The following SMTNL1 variants were observed in gnomAD, a reference collection of about 807,000 sequenced individuals.
SMTNL1 encodes the protein smoothelin like 1.
SMTNL1 carries 41 observed loss-of-function variants against 46.6 expected under a neutral mutation model. That is an observed-to-expected ratio of 0.88 (90% CI 0.69 to 1.14). SMTNL1 has a LOEUF of 1.14. SMTNL1 is among the 50% of genes most tolerant of loss of function. The pLI is 0.00. For synonymous variants in SMTNL1, 234 were observed against 234.2 expected, an observed-to-expected ratio of 1.00 and a Z score of 0.01; for missense variants, 591 against 626.1, an observed-to-expected ratio of 0.94 and a Z score of 0.60.
rs1483809891 is a variant in SMTNL1, at chr11:57,543,705, C to A, written c.814C>A (p.Pro272Thr). ...AGGGGCAGGGGTGATTCCCAGCTCC[C>A]CAGAGGAGTGGCCTGAGAGCCCCAC... is the stretch of plus-strand genomic sequence containing the variant. ...EGGAGVIPSSPEEWPESPTGE... is the reference protein window; with the variant it reads ...EGGAGVIPSSTEEWPESPTGE... Residue 272 changes from proline to threonine, a missense_variant, in exon 3 of 8, where the codon CCA becomes ACA. Pro to Thr is a conservative substitution (Grantham distance 38). Transcript: ENST00000527972. 1 of 1,581,250 alleles carries A rather than the reference C, an allele frequency of 6.3e-7. No homozygotes were observed. The highest frequency in any genetic ancestry group is 1.8e-5 in the Admixed American group (1 of 54,280).
At chr11:57,544,272 C>A (rs764212760) in intron 4 of SMTNL1, among the ~76,000 whole-genome samples, 3 of 152,132 alleles carry the variant, frequency 2.0e-5, no homozygotes, top group African/African-American at 7.2e-5. Context: ...CCCATCTACT[C>A]GGGAGGCTGA....
At chr11:57,542,170 C>T (rs1033619945) in intron 1 of SMTNL1, among the ~76,000 whole-genome samples, 19 of 151,302 alleles carry the variant, frequency 1.3e-4, no homozygotes, top group Non-Finnish European at 2.1e-4. Context: ...TGGTGGTAAG[C>T]ACCTGTAGTC....
chr11:57,543,799 C>T (rs1300587239), intron 3 of SMTNL1, 43 bp downstream of exon 3: 1 of 1,556,244 alleles, frequency 6.4e-7, no homozygotes, highest in East Asian at 2.4e-5. Context: ...CAGAGGCCAC[C>T]TGGGGGAGGG....
intron 1 of SMTNL1, among the ~76,000 whole-genome samples, chr11:57,538,792 G>A (rs1341390961): frequency 6.6e-6 from 1 of 152,172 alleles, no homozygotes; most frequent in African/African-American, 2.4e-5. Context: ...CTGAAGGGTC[G>A]GAGCAAGAAA....
Position 57,550,051 on chromosome 11 carries a change from A to G in SMTNL1, c.1424A>G (p.Tyr475Cys), listed in dbSNP as rs772406492. Residue 475 changes from tyrosine to cysteine, a missense_variant, in exon 8 of 8, where the codon TAC becomes TGC. Coordinates refer to ENST00000527972, the MANE Select transcript of SMTNL1 (RefSeq NM_001105565.3). ...CCCGACTCCAAGTGCGTCTACACAT[A>G]CATCCAGGAACTGTACCGCAGCCTT... The part of the protein sequence containing the change: ...AVPDSKCVYT[Y>C]IQELYRSLVQ... The G allele has an allele frequency of 1.9e-6, 3 of 1,613,970 alleles. No homozygotes were observed. The highest frequency in any genetic ancestry group is 2.5e-6 in the Non-Finnish European group (3 of 1,179,874).
rs368262668 is a variant in SMTNL1 at position 57,546,330 on chromosome 11, A to G, written c.1171A>G (p.Met391Val). 2 of 1,609,466 alleles carry G rather than the reference A, an allele frequency of 1.2e-6. No individual in the cohort carries two copies. Among genetic ancestry groups the G allele is most frequent in the African/African-American group, 1.3e-5 (1 of 74,684 alleles). ...KNMLLEWCRA[M>V]TKKYEHVDIQ... ...CATGCTCTTGGAGTGGTGCCGAGCC[A>G]TGACAAAAAAATACGAGGTGGGCAT... Residue 391 changes from methionine (M) to valine (V), a missense_variant, in exon 6 of 8, where the codon ATG (methionine) becomes GTG (valine). Transcript: ENST00000527972.
intron 1 of SMTNL1, among the ~76,000 whole-genome samples, chr11:57,542,085 T>C (rs977590684): frequency 2.1e-5 from 3 of 142,916 alleles, no homozygotes; most frequent in Non-Finnish European, 4.5e-5. Context: ...CTGGGCAACA[T>C]GGCAAAACCC....
At chr11:57,546,879 T>G (rs1415588362) in intron 7 of SMTNL1, among the ~76,000 whole-genome samples, 1 of 152,114 alleles carries the variant, frequency 6.6e-6, no homozygotes, top group Non-Finnish European at 1.5e-5. Flanking sequence ...ACTTGTATAA[T>G]CCCAGCACTC....
intron 7 of SMTNL1, 100 bp downstream of exon 7, chr11:57,546,752 CA>C: frequency 2.2e-6 from 3 of 1,391,628 alleles, no homozygotes; most frequent in Non-Finnish European, 3.0e-6. Context: ...ATGCTGGTGC[CA>C]CACATTCATG....
At chr11:57,546,154 G>A in intron 5 of SMTNL1, 79 bp from the exon 6 acceptor site, 1 of 1,507,292 alleles carries the variant, frequency 6.6e-7, no homozygotes, top group African/African-American at 1.4e-5. Flanking sequence ...TGACACCTGG[G>A]GGCTGGGGAT....
rs1227791580 is a variant in SMTNL1 at position 57,542,678 on chromosome 11, GACC to G, written c.40_42del (p.Thr14del). 6.2e-7 allele frequency: 1 copy of G among 1,613,120 alleles called. No homozygotes were observed. Among genetic ancestry groups the G allele is most frequent in the Non-Finnish European group, 8.5e-7 (1 of 1,179,484 alleles). On this transcript the variant is annotated inframe_deletion, in exon 2 of 8. Transcript: ENST00000527972. ...AGGAAGGGAAGCTCTCTGAGGATGG[GACC>G]ACCGTCTCCCCAGCTGCGGACAACC...
intron 5 of SMTNL1, 24 bp from the exon 6 acceptor site, chr11:57,546,209 C>T: frequency 6.4e-7 from 1 of 1,569,340 alleles, no homozygotes; most frequent in Non-Finnish European, 8.6e-7. Flanking sequence ...TCTGGCTTGG[C>T]CTTGCACCCC....
chr11:57,549,461 A>C (rs1361608479), intron 7 of SMTNL1, among the ~76,000 whole-genome samples: 2 of 152,230 alleles, frequency 1.3e-5, no homozygotes, highest in Non-Finnish European at 2.9e-5. Context: ...GAGGACAATA[A>C]GTGCAATGAA....
chr11:57,542,621 T>G lies in SMTNL1; in HGVS notation c.-2-20T>G, dbSNP rs995224130. The G allele has an allele frequency of 6.3e-7, 1 of 1,582,774 alleles. No individual in the cohort carries two copies. Among genetic ancestry groups the G allele is most frequent in the Admixed American group, 1.8e-5 (1 of 56,766 alleles). On this transcript the variant is annotated intron_variant, in intron 1 of 7. Transcript: ENST00000527972. ...TGCTGGGCTGGGGCATGACCAGGTC[T>G]GCTTGTCTTCTCTTTCCAGAGATGG...
intron 4 of SMTNL1, among the ~76,000 whole-genome samples, chr11:57,545,172 A>G (rs1449623328): frequency 1.3e-5 from 2 of 152,120 alleles, no homozygotes; most frequent in Non-Finnish European, 2.9e-5. Flanking sequence ...TAACCAGTGA[A>G]TAGTCACCCA....
rs1554989088 is a variant in SMTNL1, at chr11:57,542,113, A to ACAC, written c.-2-528_-2-527insCAC. Reference sequence around the variant, plus strand: ...CAAAACCCCATCTCTACAAAAAAAAAACACACACACACACACACACACACA... The same window carrying ACAC: ...CAAAACCCCATCTCTACAAAAAAAAACACACACACACACACACACACACACACA... On this transcript the variant is annotated intron_variant, in intron 1 of 7. Coordinates refer to ENST00000527972, the MANE Select transcript of SMTNL1 (RefSeq NM_001105565.3). Among the ~76,000 whole-genome samples the ACAC allele has an allele frequency of 9.5e-4, 100 of 105,522 alleles. 1 individual carries two copies. The highest frequency in any genetic ancestry group is 5.0e-3 in the South Asian group (14 of 2,794). The allele number at this position is 105,522 out of a possible 152,430, so 69.2% of individuals were successfully genotyped here.
chr11:57,549,465 C>A (rs1158845722), intron 7 of SMTNL1, among the ~76,000 whole-genome samples: 2 of 152,136 alleles, frequency 1.3e-5, no homozygotes, highest in African/African-American at 4.8e-5. Flanking sequence ...ACAATAAGTG[C>A]AATGAAAATG....
chr11:57,540,934 C>T (rs1158147909), intron 1 of SMTNL1, among the ~76,000 whole-genome samples: 1 of 152,200 alleles, frequency 6.6e-6, no homozygotes, highest in African/African-American at 2.4e-5. Context: ...TGGTCTTGAA[C>T]TCCTGACCTT....
chr11:57,549,922 T>A, intron 7 of SMTNL1, 46 bp from the exon 8 acceptor site: 1 of 1,607,048 alleles, frequency 6.2e-7, no homozygotes, highest in Admixed American at 1.7e-5. Flanking sequence ...GGCTCCCATA[T>A]CCTTCACCTT....
Sources: gnomAD v4.1 joint callset for allele counts (sites outside exome capture counted in the v4.1 genomes callset) on GRCh38, gnomAD v4.1.1 for gene constraint, MANE v1.5 for transcripts, NCBI Gene and HGNC (gene_info 2026-07-23, HGNC 2026-07-21) for gene names.